NSG1: variants seen among roughly 807,000 people sequenced by gnomAD.
NSG1 encodes the protein neuronal vesicle trafficking associated 1, also known as neuronal vesicle trafficking-associated protein 1.
NSG1 carries 9 observed loss-of-function variants against 19.3 expected under a neutral mutation model. The observed-to-expected ratio is 0.47, with a 90% CI of 0.28 to 0.81. NSG1 has a LOEUF of 0.81. NSG1 is among the 40% of genes least tolerant of loss of function. The pLI is 0.11. For synonymous variants in NSG1, 104 were observed against 107.0 expected, an observed-to-expected ratio of 0.97 and a Z score of 0.17; for missense variants, 236 against 242.4, an observed-to-expected ratio of 0.97 and a Z score of 0.18.
chr4:4,401,056 C>T (rs1723522707), intron 3 of NSG1, among the ~76,000 whole-genome samples: 1 of 152,018 alleles, frequency 6.6e-6, no homozygotes, highest in Non-Finnish European at 1.5e-5. Context: ...CCTTAACACC[C>T]ACAGCAGTGG....
chr4:4,397,727 C>T (rs1349348702), intron 3 of NSG1, among the ~76,000 whole-genome samples: 2 of 152,164 alleles, frequency 1.3e-5, no homozygotes, highest in Non-Finnish European at 2.9e-5. Flanking sequence ...ACCCAGGACC[C>T]CCAAGCCTCG....
Position 4,417,491 on chromosome 4 carries a change from G to A in NSG1, c.*56G>A, listed in dbSNP as rs2108760362. The A allele has an allele frequency of 1.3e-6, 2 of 1,496,292 alleles. No homozygotes were observed. Among genetic ancestry groups the A allele is most frequent in the Non-Finnish European group, 1.9e-6 (2 of 1,075,564 alleles). The allele number at this position is 1,496,292 out of a possible 1,614,324, so 92.7% of individuals were successfully genotyped here. On this transcript the variant is annotated 3_prime_UTR_variant, in exon 5 of 5. Coordinates refer to ENST00000621129, the MANE Select transcript of NSG1 (RefSeq NM_014392.5). ...CTTGCAAATAACAAAGGGACTTTGAGGGACATTTCATTAAATATAATTACT... is the reference window on the plus strand; with the variant it reads ...CTTGCAAATAACAAAGGGACTTTGAAGGACATTTCATTAAATATAATTACT...
At chr4:4,401,908 C>T (rs1723564733) in intron 3 of NSG1, among the ~76,000 whole-genome samples, 2 of 152,048 alleles carry the variant, frequency 1.3e-5, no homozygotes, top group African/African-American at 2.4e-5. Context: ...TGAGACAGGG[C>T]CTCGCTTTGT....
At chr4:4,399,327 G>A (rs1474178405) in intron 3 of NSG1, among the ~76,000 whole-genome samples, 2 of 152,112 alleles carry the variant, frequency 1.3e-5, no homozygotes, top group East Asian at 3.9e-4. Flanking sequence ...ATTTTTTGTA[G>A]AGATGGGGTT....
chr4:4,411,728 A>AGGG (rs576047539), intron 4 of NSG1, among the ~76,000 whole-genome samples: 57 of 151,128 alleles, frequency 3.8e-4, no homozygotes, highest in Non-Finnish European at 6.6e-4. Flanking sequence ...TGGGCAACAG[A>AGGG]GGGAGACTCC....
intron 3 of NSG1, among the ~76,000 whole-genome samples, chr4:4,406,828 A>G (rs773680232): frequency 3.3e-5 from 5 of 152,156 alleles, no homozygotes; most frequent in Non-Finnish European, 7.4e-5. Flanking sequence ...AGCCTGTCCC[A>G]ACCCCAGGCA....
intron 3 of NSG1, among the ~76,000 whole-genome samples, chr4:4,407,640 G>A (rs374697520): frequency 4.4e-4 from 67 of 152,214 alleles, no homozygotes; most frequent in Middle Eastern, 6.8e-3. Flanking sequence ...ATGCAGGCTC[G>A]GGGACAATTG....
intron 4 of NSG1, among the ~76,000 whole-genome samples, chr4:4,414,780 C>T (rs1724425499): frequency 6.6e-6 from 1 of 152,112 alleles, no homozygotes; most frequent in African/African-American, 2.4e-5. Context: ...CTACTATGTG[C>T]ACACTGGACT....
chr4:4,412,123 G>A (rs1473757260), intron 4 of NSG1, among the ~76,000 whole-genome samples: 1 of 152,190 alleles, frequency 6.6e-6, no homozygotes, highest in African/African-American at 2.4e-5. Flanking sequence ...CAGTCTTATG[G>A]GGCCACCATG....
chr4:4,411,893 T>C (rs1207672058), intron 4 of NSG1, among the ~76,000 whole-genome samples: 3 of 151,972 alleles, frequency 2.0e-5, no homozygotes, highest in Non-Finnish European at 4.4e-5. Context: ...AAAATACTGA[T>C]TAAAAAGTAT....
At chr4:4,393,458 C>A (rs1723097003) in intron 3 of NSG1, among the ~76,000 whole-genome samples, 1 of 152,166 alleles carries the variant, frequency 6.6e-6, no homozygotes, top group Admixed American at 6.5e-5. Context: ...TTGCCCAGAA[C>A]CTGAAGGCTC....
At chr4:4,405,832 T>C (rs577837544) in intron 3 of NSG1, among the ~76,000 whole-genome samples, 2 of 152,280 alleles carry the variant, frequency 1.3e-5, no homozygotes, top group Admixed American at 6.5e-5. Context: ...TCCTCAGCCG[T>C]TGGGCCTGGG....
intron 3 of NSG1, among the ~76,000 whole-genome samples, chr4:4,401,272 G>C (rs1183186102): frequency 6.6e-6 from 1 of 152,202 alleles, no homozygotes; most frequent in African/African-American, 2.4e-5. Flanking sequence ...ATGACTGCTT[G>C]TGCTGTGAGA....
rs777095341 is a variant in NSG1 at position 4,391,520 on chromosome 4, G to A, written c.175G>A (p.Gly59Arg). ...KTEYEPDRKK[G>R]KARPPQIAEF... Reference sequence around the variant, plus strand: ...CGAGTATGAACCTGACCGCAAGAAAGGGAAAGCACGTCCTCCCCAAATTGC... The same window carrying A: ...CGAGTATGAACCTGACCGCAAGAAAAGGAAAGCACGTCCTCCCCAAATTGC... Residue 59 changes from glycine (G) to arginine (R), a missense_variant, in exon 3 of 5, where the codon GGG (glycine) becomes AGG (arginine). Physicochemically the swap from Gly to Arg is moderately radical, Grantham distance 125. Coordinates refer to ENST00000621129, the MANE Select transcript of NSG1 (RefSeq NM_014392.5). 1.2e-6 allele frequency: 2 copies of A among 1,613,768 alleles called. No individual in the cohort carries two copies. Among genetic ancestry groups the A allele is most frequent in the Non-Finnish European group, 1.7e-6 (2 of 1,179,910 alleles).
At chr4:4,417,102 C>T (rs1560149918) in intron 4 of NSG1, 133 bp from the exon 5 acceptor site, 7 of 718,306 alleles carry the variant, frequency 9.7e-6, no homozygotes, top group East Asian at 5.2e-5. Context: ...GATCCATGCC[C>T]GTTTTTGCTC....
intron 3 of NSG1, among the ~76,000 whole-genome samples, chr4:4,402,767 G>A (rs1211559373): frequency 3.3e-5 from 5 of 152,128 alleles, no homozygotes; most frequent in Non-Finnish European, 7.4e-5. Context: ...TGTGGGCCCC[G>A]CACTTCCTGT....
intron 3 of NSG1, among the ~76,000 whole-genome samples, chr4:4,395,878 C>A (rs889898624): frequency 6.6e-6 from 1 of 152,174 alleles, no homozygotes; most frequent in Non-Finnish European, 1.5e-5. Flanking sequence ...TCTTTATAGG[C>A]GTTTGGATGG....
At chr4:4,397,946 T>TTTTTTC (rs1478980609) in intron 3 of NSG1, among the ~76,000 whole-genome samples, 2 of 152,064 alleles carry the variant, frequency 1.3e-5, no homozygotes, top group Non-Finnish European at 2.9e-5. Context: ...CATTCTTTAT[T>TTTTTTC]TTTTTCTTTT....
chr4:4,387,468 C>T (rs1182125026), intron 1 of NSG1, 136 bp from the exon 2 acceptor site: 2 of 620,230 alleles, frequency 3.2e-6, no homozygotes, highest in Admixed American at 3.0e-5. Context: ...ACCGCGTCCC[C>T]ACGAGCCCTC....
Sources: gnomAD v4.1 joint callset for allele counts (sites outside exome capture counted in the v4.1 genomes callset) on GRCh38, gnomAD v4.1.1 for gene constraint, MANE v1.5 for transcripts, NCBI Gene and HGNC (gene_info 2026-07-23, HGNC 2026-07-21) for gene names.